The following MIS18A variants were observed in gnomAD, a reference collection of about 807,000 sequenced individuals.
MIS18A encodes protein Mis18-alpha.
MIS18A carries 14 observed loss-of-function variants against 25.0 expected under a neutral mutation model. The ratio of observed to expected loss-of-function variants is 0.56; its 90% CI spans 0.37 to 0.88. The LOEUF (loss-of-function observed/expected upper bound fraction) is 0.88, where lower values mean the gene tolerates loss of function less well. MIS18A is among the 40% of genes least tolerant of loss of function. The probability of loss-of-function intolerance (pLI) is 0.00; values close to 1 mark genes in which losing one functional copy is unlikely to be tolerated. For missense variants in MIS18A, 292 were observed against 290.8 expected, an observed-to-expected ratio of 1.00 and a Z score of -0.03; for synonymous variants, 134 against 118.6, an observed-to-expected ratio of 1.13 and a Z score of -0.84.
chr21:32,258,446 G>C, the MIS18A span, among the ~76,000 whole-genome samples: 2 of 152,148 alleles, frequency 1.3e-5, no homozygotes, highest in African/African-American at 4.8e-5. Flanking sequence ...CTTCCTGTTG[G>C]ACAGGGCCTC....
At chr21:32,193,899 T>C in the MIS18A span, among the ~76,000 whole-genome samples, 1 of 152,206 alleles carries the variant, frequency 6.6e-6, no homozygotes, top group African/African-American at 2.4e-5. Flanking sequence ...TGCTCATTTT[T>C]TGTTGTAGGG....
At chr21:32,223,176 A>G in the MIS18A span, among the ~76,000 whole-genome samples, 2 of 152,162 alleles carry the variant, frequency 1.3e-5, no homozygotes, top group African/African-American at 2.4e-5. Context: ...AGAACATGGG[A>G]AAGATCAAGA....
chr21:32,179,387 C>T, the MIS18A span, among the ~76,000 whole-genome samples: 1 of 152,160 alleles, frequency 6.6e-6, no homozygotes, highest in Admixed American at 6.5e-5. Context: ...GATTCAACTT[C>T]ACACTTTGTG....
the MIS18A span, among the ~76,000 whole-genome samples, chr21:32,218,066 G>C: frequency 6.6e-6 from 1 of 151,516 alleles, no homozygotes; most frequent in East Asian, 1.9e-4. Context: ...GGTGTTGGGC[G>C]CCTGTAGTCC....
the MIS18A span, among the ~76,000 whole-genome samples, chr21:32,175,804 C>T: frequency 2.0e-5 from 3 of 146,668 alleles, no homozygotes; most frequent in Admixed American, 6.7e-5. Flanking sequence ...TGAGAGACTC[C>T]ATCTCAAAAA....
the MIS18A span, among the ~76,000 whole-genome samples, chr21:32,189,190 A>G: frequency 8.7e-3 from 1,327 of 152,360 alleles, 17 homozygotes; most frequent in African/African-American, 0.023. Context: ...TTGGTATTCA[A>G]GGCCCTTCAC....
At chr21:32,173,933 T>A in the MIS18A span, among the ~76,000 whole-genome samples, 1 of 151,298 alleles carries the variant, frequency 6.6e-6, no homozygotes, top group African/African-American at 2.4e-5. Flanking sequence ...GCATTATATG[T>A]CAATAAAATA....
the MIS18A span, among the ~76,000 whole-genome samples, chr21:32,243,309 G>A: frequency 6.6e-6 from 1 of 152,212 alleles, no homozygotes; most frequent in East Asian, 1.9e-4. Context: ...TACAGACTGG[G>A]AGATAATATT....
chr21:32,158,609 G>A, the MIS18A span, among the ~76,000 whole-genome samples: 4 of 151,926 alleles, frequency 2.6e-5, no homozygotes, highest in Non-Finnish European at 4.4e-5. Context: ...CGAGTAGCTG[G>A]GATTACAGGC....
chr21:32,205,525 C>A, the MIS18A span, among the ~76,000 whole-genome samples: 1 of 152,124 alleles, frequency 6.6e-6, no homozygotes, highest in South Asian at 2.1e-4. Flanking sequence ...GCCTGCACAG[C>A]CTCACCATTT....
At chr21:32,252,319 A>AGAAG in the MIS18A span, among the ~76,000 whole-genome samples, 1 of 149,454 alleles carries the variant, frequency 6.7e-6, no homozygotes, top group African/African-American at 2.5e-5. Flanking sequence ...GAGTAAGGAA[A>AGAAG]GAAGGAAGGA....
the MIS18A span, among the ~76,000 whole-genome samples, chr21:32,218,049 C>T: frequency 1.1e-4 from 17 of 151,402 alleles, no homozygotes; most frequent in African/African-American, 2.9e-4. Flanking sequence ...AAAAATTAGC[C>T]GGGCATGGTG....
the MIS18A span, among the ~76,000 whole-genome samples, chr21:32,252,411 A>G: frequency 1.3e-5 from 2 of 151,414 alleles, no homozygotes; most frequent in Non-Finnish European, 3.0e-5. Flanking sequence ...AGAAAAGAAG[A>G]AGAAGAAGGA....
chr21:32,173,088 C>CA, the MIS18A span, among the ~76,000 whole-genome samples: 10 of 151,338 alleles, frequency 6.6e-5, no homozygotes, highest in East Asian at 1.2e-3. Flanking sequence ...CAAAGCATAA[C>CA]AAAAAAAAGA....
chr21:32,235,148 A>G, the MIS18A span, among the ~76,000 whole-genome samples: 1 of 152,164 alleles, frequency 6.6e-6, no homozygotes, highest in East Asian at 1.9e-4. Context: ...TTTTATCACT[A>G]AGGGCACCCA....
chr21:32,234,740 C>T, the MIS18A span, among the ~76,000 whole-genome samples: 1 of 152,090 alleles, frequency 6.6e-6, no homozygotes, highest in Admixed American at 6.5e-5. Context: ...CAGGCTCTGC[C>T]GTGATTGGAA....
chr21:32,278,653 C>G (rs576642959), intron 1 of MIS18A, 28 bp downstream of exon 1: 10 of 1,478,302 alleles, frequency 6.8e-6, no homozygotes, highest in Non-Finnish European at 8.1e-6. Context: ...GACCCCACGC[C>G]CCCCCTGCCC....
the MIS18A span, among the ~76,000 whole-genome samples, chr21:32,229,003 ACAAG>A: frequency 2.6e-5 from 4 of 152,282 alleles, no homozygotes; most frequent in East Asian, 1.9e-4. Flanking sequence ...TTATTTCAGC[ACAAG>A]CAATCTAGTT....
the MIS18A span, among the ~76,000 whole-genome samples, chr21:32,215,030 C>T: frequency 7.2e-5 from 11 of 152,284 alleles, no homozygotes; most frequent in South Asian, 1.0e-3. Flanking sequence ...GGCAATGGGA[C>T]GGGGACATAA....
Sources: allele counts gnomAD v4.1 joint callset (sites outside exome capture counted in the v4.1 genomes callset), GRCh38; gene constraint gnomAD v4.1.1; transcripts MANE v1.5; gene names NCBI Gene and HGNC (gene_info 2026-07-23, HGNC 2026-07-21).